Variants in ZNF433 observed in about 807,000 individuals in gnomAD.
The protein encoded by ZNF433 is zinc finger protein 433.
Under a neutral mutation model 10.6 loss-of-function variants are expected in ZNF433, and 12 were observed. The observed-to-expected ratio is 1.13, with a 90% CI of 0.72 to 1.83. The LOEUF is 1.83. Among genes scored for constraint, ZNF433 ranks in the 40% most tolerant of loss-of-function variants. ZNF433 has a pLI of 0.00. For synonymous variants in ZNF433, 272 were observed against 271.3 expected (o/e 1.00, Z -0.02); for missense variants, 737 against 798.0 (o/e 0.92, Z 0.92).
rs370514888 is a variant in ZNF433, at chr19:12,016,023, A to G, written c.835T>C (p.Tyr279His). The G allele has an allele frequency of 2.5e-5, 41 of 1,613,978 alleles. No individual in the cohort carries two copies. Among genetic ancestry groups the G allele is most frequent in the Admixed American group, 5.0e-5 (3 of 60,006 alleles). Residue 279 changes from tyrosine (Y) to histidine (H), a missense_variant, in exon 4 of 4, where the codon TAT becomes CAT. Transcript: ENST00000550507. The part of the protein sequence containing the change: ...HKRTHTGEKP[Y>H]ECKQCGKAFS... ...GCTTTCCCACACTGTTTACATTCAT[A>G]TGGCTTCTCCCCAGTGTGAGTTCTT...
At chr19:12,032,485 A>AT (rs112747052) in intron 1 of ZNF433, among the ~76,000 whole-genome samples, 3,096 of 141,246 alleles carry the variant, frequency 0.022, 60 homozygotes, top group African/African-American at 0.056. Flanking sequence ...CTAAATAGCG[A>AT]TTTTTTTTTT....
At chr19:12,026,658 T>G in intron 1 of ZNF433, 1 of 452,734 alleles carries the variant, frequency 2.2e-6, no homozygotes, top group Non-Finnish European at 4.4e-6. Context: ...CAAAAAACTA[T>G]TTGTAAACAG....
In ZNF433 at chr19:12,014,945, G is replaced by T; in HGVS notation, c.1913C>A (p.Thr638Asn). 6.2e-7 allele frequency: 1 copy of T among 1,613,990 alleles called. No individual in the cohort carries two copies. Among genetic ancestry groups the T allele is most frequent in the Non-Finnish European group, 8.5e-7 (1 of 1,179,944 alleles). ...GTTACATTTATAGGGTTTCTCTCCA[G>T]TGTGAGTCCTTCCATGCCTTCGAAG... The part of the protein sequence containing the change: ...SNLRRHGRTH[T>N]GEKPYKCNQC... The change falls in exon 4 of 4, where the codon ACT (threonine) becomes AAT (asparagine). Residue 638 changes from threonine (T) to asparagine (N), a missense_variant. Physicochemically the swap from Thr to Asn is moderately conservative, Grantham distance 65. Coordinates refer to ENST00000550507, the MANE Select transcript of ZNF433 (RefSeq NM_001308348.2).
chr19:12,022,259 GAGCCCATCCCTTTGTTTC>G lies in ZNF433; in HGVS notation c.4-3985_4-3968del, dbSNP rs546897888. ...TGTTCCTGCTGCAGATAACTAGCCA[GAGCCCATCCCTTTGTTTC>G]AGCCCATCCCTTTGTTTCCCAAAAG... On this transcript the variant is annotated intron_variant, in intron 1 of 3. Transcript: ENST00000550507. The G allele has an allele frequency of 1.9e-3, 567 of 297,874 alleles. 1 individual carries two copies. The highest frequency in any genetic ancestry group is 0.011 in the African/African-American group (505 of 46,376). The allele number at this position is 297,874 out of a possible 1,614,324, so 18.5% of individuals were successfully genotyped here.
intron 1 of ZNF433, among the ~76,000 whole-genome samples, chr19:12,031,905 A>C (rs1599377364): frequency 6.9e-6 from 1 of 145,266 alleles, no homozygotes. Context: ...AAAGTCCTCC[A>C]TCCTGCAAAG....
At chr19:12,018,044 A>T in intron 2 of ZNF433, 108 bp from the exon 3 acceptor site, 1 of 1,328,276 alleles carries the variant, frequency 7.5e-7, no homozygotes. Context: ...TTATTTATCA[A>T]ATATTCCCTG....
chr19:12,024,502 G>A (rs1435851178), intron 1 of ZNF433: 1 of 152,158 alleles, frequency 6.6e-6, no homozygotes, highest in Non-Finnish European at 1.5e-5. Flanking sequence ...AAGTACTAAG[G>A]GATATCAACT....
At position 12,015,773 on chromosome 19, in the gene ZNF433, G is replaced by T. The variant is rs1055456489; in HGVS notation, c.1085C>A (p.Ser362Tyr). The T allele has an allele frequency of 3.1e-6, 5 of 1,613,960 alleles. No individual in the cohort carries two copies. The highest frequency in any genetic ancestry group is 4.2e-6 in the Non-Finnish European group (5 of 1,179,982). ...NHLGMHTGEI[S>Y]HKCKICGKAF... ...TTTCCCACATATCTTACATTTATGA[G>T]ATATCTCTCCAGTGTGCATTCCCAA... The change falls in exon 4 of 4, where the codon TCT (serine) becomes TAT (tyrosine). Residue 362 changes from serine (S) to tyrosine (Y), a missense_variant. Transcript: ENST00000550507.
At chr19:12,029,969 C>T (rs1017671769) in intron 1 of ZNF433, among the ~76,000 whole-genome samples, 1 of 150,082 alleles carries the variant, frequency 6.7e-6, no homozygotes, top group East Asian at 2.0e-4. Context: ...GTAATCCCAG[C>T]TACTCGGAAG....
intron 1 of ZNF433, among the ~76,000 whole-genome samples, chr19:12,022,543 G>A (rs1333114937): frequency 1.3e-5 from 2 of 152,152 alleles, no homozygotes; most frequent in Non-Finnish European, 2.9e-5. Context: ...TTGAACCCAG[G>A]TCAAAGTGTC....
chr19:12,029,040 TGGA>T (rs1974874805), intron 1 of ZNF433, among the ~76,000 whole-genome samples: 1 of 152,166 alleles, frequency 6.6e-6, no homozygotes, highest in Non-Finnish European at 1.5e-5. Context: ...AAGATATCAA[TGGA>T]AAATGTAATA....
intron 1 of ZNF433, among the ~76,000 whole-genome samples, chr19:12,034,002 A>G (rs1165736908): frequency 1.3e-5 from 2 of 152,184 alleles, no homozygotes; most frequent in East Asian, 3.8e-4. Context: ...TGGAAAATGC[A>G]GAGAAGTACC....
intron 3 of ZNF433, 75 bp from the exon 4 acceptor site, chr19:12,016,741 T>C: frequency 6.6e-7 from 1 of 1,520,572 alleles, no homozygotes; most frequent in Non-Finnish European, 8.8e-7. Context: ...GTATTGCACT[T>C]GCATTTTTTC....
chr19:12,033,462 T>C (rs1975124774), intron 1 of ZNF433, among the ~76,000 whole-genome samples: 2 of 151,714 alleles, frequency 1.3e-5, no homozygotes, highest in Admixed American at 1.3e-4. Context: ...GAGCTTGCAG[T>C]GAGCAGAGAT....
chr19:12,016,270 C>T lies in ZNF433; in HGVS notation c.588G>A (p.Lys196=), dbSNP rs776125569. ...RIMHRGDGPY[K]CKFCGKALMF... The stretch of plus-strand genomic sequence containing the variant: ...TCAAGGCTTTCCCACAAAATTTACA[C>T]TTATAAGGTCCATCTCCACGGTGCA... The change falls in exon 4 of 4, where the codon AAG becomes AAA. Residue 196 remains lysine (K), a synonymous_variant. Transcript: ENST00000550507. The T allele has an allele frequency of 8.7e-6, 14 of 1,614,080 alleles. No homozygotes were observed. In the South Asian group the frequency reaches 1.5e-4, roughly 18 times the overall value.
intron 1 of ZNF433, among the ~76,000 whole-genome samples, chr19:12,028,431 G>T (rs1469001351): frequency 1.3e-5 from 2 of 152,086 alleles, no homozygotes; most frequent in Non-Finnish European, 1.5e-5. Flanking sequence ...GCATACCCAG[G>T]TTATGAAACT....
chr19:12,031,317 A>AAAAAAAAAAAC (rs1975017293), intron 1 of ZNF433, among the ~76,000 whole-genome samples: 30 of 116,960 alleles, frequency 2.6e-4, no homozygotes, highest in African/African-American at 7.9e-4. Flanking sequence ...AAAACAAAAC[A>AAAAAAAAAAAC]AAAAAAAAAA....
Position 12,015,815 on chromosome 19 carries a change from G to C in ZNF433, c.1043C>G (p.Thr348Ser), listed in dbSNP as rs1456790746. Reference protein sequence around the residue: ...KHCGKVLSYLTSFQNHLGMHT... With the variant: ...KHCGKVLSYLSSFQNHLGMHT... ...CATTCCCAAGTGGTTTTGAAAGCTG[G>C]TAAGATAAGATAATACTTTCCCACA... The change falls in exon 4 of 4, where the codon ACC (threonine) becomes AGC (serine). Residue 348 changes from threonine to serine, a missense_variant. Physicochemically the swap from Thr to Ser is moderately conservative, Grantham distance 58. Transcript: ENST00000550507. The C allele has an allele frequency of 6.2e-7, 1 of 1,613,978 alleles. No homozygotes were observed. Among genetic ancestry groups the C allele is most frequent in the African/African-American group, 1.3e-5 (1 of 74,922 alleles).
At chr19:12,028,255 G>A (rs1974833949) in intron 1 of ZNF433, among the ~76,000 whole-genome samples, 1 of 151,852 alleles carries the variant, frequency 6.6e-6, no homozygotes, top group Non-Finnish European at 1.5e-5. Context: ...TCAATGTTAT[G>A]GTCAAATGAC....
Sources: gnomAD v4.1 joint callset for allele counts (sites outside exome capture counted in the v4.1 genomes callset) on GRCh38, gnomAD v4.1.1 for gene constraint, MANE v1.5 for transcripts, NCBI Gene and HGNC (gene_info 2026-07-23, HGNC 2026-07-21) for gene names.